Variants in RAB24 observed in about 807,000 individuals in gnomAD.
RAB24 encodes the protein ras-related protein Rab-24.
RAB24 carries 9 observed loss-of-function variants against 31.4 expected under a neutral mutation model. The observed-to-expected ratio is 0.29, with a 90% confidence interval of 0.17 to 0.50. RAB24 has a LOEUF of 0.50. Ranked by LOEUF, RAB24 falls within the 20% of genes least tolerant of loss-of-function variation. The pLI, the probability that RAB24 is intolerant of heterozygous loss-of-function variation, is 0.98. For missense variants in RAB24, 197 were observed against 265.2 expected, an observed-to-expected ratio of 0.74 and a Z score of 1.79; for synonymous variants, 106 against 94.1, an observed-to-expected ratio of 1.13 and a Z score of -0.73.
At position 177,301,918 on chromosome 5, in the gene RAB24, C is replaced by T; in HGVS notation, c.547+7G>A. 6.2e-7 allele frequency: 1 copy of T among 1,614,064 alleles called. No individual in the cohort carries two copies. Among genetic ancestry groups the T allele is most frequent in the Non-Finnish European group, 8.5e-7 (1 of 1,179,906 alleles). ...TAAGTCTCCATAAAGGCTGGGGAAG[C>T]ACACACCTGTCATCACCTGGAAGGC... is the stretch of plus-strand genomic sequence containing the variant. On this transcript the variant is annotated splice_region_variant and intron_variant, in intron 7 of 7. Coordinates refer to ENST00000303251, the MANE Select transcript of RAB24 (RefSeq NM_001031677.4).
chr5:177,301,730 G>C lies in RAB24; in HGVS notation c.*13C>G. On this transcript the variant is annotated 3_prime_UTR_variant, in exon 8 of 8. Transcript: ENST00000303251. ...GAATTCCTTTAATTCCCCCAGGCCA[G>C]GTGAGTGCTGACTCAGTGATGACAA... 6.2e-7 allele frequency: 1 copy of C among 1,614,006 alleles called. No homozygotes were observed. The highest frequency in any genetic ancestry group is 8.5e-7 in the Non-Finnish European group (1 of 1,179,830).
chr5:177,301,364 T>G lies in RAB24; in HGVS notation c.*379A>C. Reference sequence around the variant, plus strand: ...GGAAAATGAGAGTTGGGAGGAGCCTTAATATAAGCAGTGAGGCCAGCCGGG... The same window carrying G: ...GGAAAATGAGAGTTGGGAGGAGCCTGAATATAAGCAGTGAGGCCAGCCGGG... On this transcript the variant is annotated 3_prime_UTR_variant, in exon 8 of 8. Transcript: ENST00000303251. 1 of 232,566 alleles carries G rather than the reference T, an allele frequency of 4.3e-6. No individual in the cohort carries two copies. Among genetic ancestry groups the G allele is most frequent in the Non-Finnish European group, 8.6e-6 (1 of 116,028 alleles). The allele number at this position is 232,566 out of a possible 1,614,324, so 14.4% of individuals were successfully genotyped here. A position where few individuals can be genotyped will look rare whatever the true frequency, so the allele number is the denominator to read the frequency against.
Position 177,302,437 on chromosome 5 carries a change from ACG to A in RAB24, c.391_392del (p.Arg131SerfsTer21). ...GGACGTCGTGGAAGTCCACACGTCG[ACG>A]CCTCCGGTCTTCTTCCAGCAGGTCA... ...KSDLLEEDRR[R>X]RRVDFHDVQD... On this transcript the variant is annotated frameshift_variant, in exon 5 of 8. Transcript: ENST00000303251. LOFTEE classifies it high-confidence loss of function. 6.2e-7 allele frequency: 1 copy of A among 1,613,706 alleles called. No homozygotes were observed. Among genetic ancestry groups the A allele is most frequent in the Non-Finnish European group, 8.5e-7 (1 of 1,180,032 alleles).
In RAB24 at chr5:177,303,367, A is replaced by C; in HGVS notation, c.-79T>G. On this transcript the variant is annotated 5_prime_UTR_variant, in exon 1 of 8. Transcript: ENST00000303251. This position sits in a 1 kb window ranked among gnomAD's most constrained non-coding sequence, Gnocchi z 6.1. Reference sequence around the variant, plus strand: ...ACCCCGATCTCCGCTCGGCCCAGGCAGCGCCCAAGCCTCAGACCCCGACCC... The same window carrying C: ...ACCCCGATCTCCGCTCGGCCCAGGCCGCGCCCAAGCCTCAGACCCCGACCC... 2.1e-6 allele frequency: 3 copies of C among 1,434,116 alleles called. No individual in the cohort carries two copies. The South Asian group carries it at 3.5e-5, about 17-fold the overall frequency. The allele number at this position is 1,434,116 out of a possible 1,614,324, so 88.8% of individuals were successfully genotyped here.
intron 5 of RAB24, 39 bp from the exon 6 acceptor site, chr5:177,302,217 T>C (rs771316581): frequency 3.7e-6 from 6 of 1,608,790 alleles, no homozygotes; most frequent in East Asian, 4.5e-5. Flanking sequence ...ACCTGAGAAT[T>C]AGATAAACAG....
intron 2 of RAB24, 82 bp from the exon 3 acceptor site, chr5:177,302,912 G>C: frequency 6.3e-7 from 1 of 1,593,654 alleles, no homozygotes; most frequent in Non-Finnish European, 8.6e-7. Flanking sequence ...GGGTCTATGA[G>C]AAATGGGTCT....
chr5:177,303,582 G>A lies in RAB24; in HGVS notation c.-294C>T, dbSNP rs1581583820. On this transcript the variant is annotated 5_prime_UTR_variant, in exon 1 of 8. The change creates a new upstream start codon in the 5' untranslated region. Transcript: ENST00000303251. The surrounding 1 kb of genome is among the most constrained non-coding windows in gnomAD (Gnocchi z 6.1). Reference sequence around the variant, plus strand: ...GTCCTCAACAGCGCAGCACGCCGCCGTGCAGCTCGCTACTCCGTCATTCGC... The same window carrying A: ...GTCCTCAACAGCGCAGCACGCCGCCATGCAGCTCGCTACTCCGTCATTCGC... The A allele has an allele frequency of 1.9e-6, 1 of 514,198 alleles. No homozygotes were observed. The highest frequency in any genetic ancestry group is 3.3e-5 in the East Asian group (1 of 29,956). The allele number at this position is 514,198 out of a possible 1,614,324, so 31.9% of individuals were successfully genotyped here.
In RAB24 at chr5:177,301,451, T is replaced by G; in HGVS notation, c.*292A>C. ...CCACACAGCAGGGAAAGGGGCTGGG[T>G]GTGATGCACAGTGCACTGATTTTAT... On this transcript the variant is annotated 3_prime_UTR_variant, in exon 8 of 8. Transcript: ENST00000303251. 2.3e-6 allele frequency: 1 copy of G among 441,594 alleles called. No individual in the cohort carries two copies. The highest frequency in any genetic ancestry group is 4.1e-6 in the Non-Finnish European group (1 of 241,670). The allele number at this position is 441,594 out of a possible 1,614,324, so 27.4% of individuals were successfully genotyped here. A position where few individuals can be genotyped will look rare whatever the true frequency, so the allele number is the denominator to read the frequency against.
chr5:177,303,436 A>AGCC lies in RAB24; in HGVS notation c.-149_-148insGGC. On this transcript the variant is annotated 5_prime_UTR_variant, in exon 1 of 8. Coordinates refer to ENST00000303251, the MANE Select transcript of RAB24 (RefSeq NM_001031677.4). This position sits in a 1 kb window ranked among gnomAD's most constrained non-coding sequence, Gnocchi z 6.1. ...GACTCCAGACAGCGCGTCGGGCTCG[A>AGCC]GCTCTGGCCGTGGCCTTGCACTTCG... 1 of 710,714 alleles carries AGCC rather than the reference A, an allele frequency of 1.4e-6. No individual in the cohort carries two copies. Among genetic ancestry groups the AGCC allele is most frequent in the Non-Finnish European group, 2.4e-6 (1 of 424,578 alleles). The allele number at this position is 710,714 out of a possible 1,614,324, so 44.0% of individuals were successfully genotyped here.
In RAB24 at chr5:177,303,429, G is replaced by A; in HGVS notation, c.-141C>T. ...AACCTACGACTCCAGACAGCGCGTCGGGCTCGAGCTCTGGCCGTGGCCTTG... is the reference window on the plus strand; with the variant it reads ...AACCTACGACTCCAGACAGCGCGTCAGGCTCGAGCTCTGGCCGTGGCCTTG... On this transcript the variant is annotated 5_prime_UTR_variant, in exon 1 of 8. Transcript: ENST00000303251. This position sits in a 1 kb window ranked among gnomAD's most constrained non-coding sequence, Gnocchi z 6.1. 1 of 738,922 alleles carries A rather than the reference G, an allele frequency of 1.4e-6. No homozygotes were observed. 45.8% of individuals were successfully genotyped at this position (738,922 alleles called of 1,614,324 possible).
chr5:177,303,675 G>A lies in RAB24; in HGVS notation c.-387C>T, dbSNP rs1417694511. ...CCGAACCTGGGGTCTCCCGCAACCC[G>A]GCTCCTACCCGCAGCGCCGCGACTC... On this transcript the variant is annotated 5_prime_UTR_variant, in exon 1 of 8. Coordinates refer to ENST00000303251, the MANE Select transcript of RAB24 (RefSeq NM_001031677.4). This position sits in a 1 kb window ranked among gnomAD's most constrained non-coding sequence, Gnocchi z 6.1. 7 of 371,480 alleles carry A rather than the reference G, an allele frequency of 1.9e-5. No individual in the cohort carries two copies. Among genetic ancestry groups the A allele is most frequent in the Non-Finnish European group, 3.4e-5 (7 of 206,924 alleles). 23.0% of individuals were successfully genotyped at this position (371,480 alleles called of 1,614,324 possible).
At chr5:177,302,085 G>A (rs1561589222) in intron 6 of RAB24, 43 bp downstream of exon 6, 3 of 1,612,010 alleles carry the variant, frequency 1.9e-6, no homozygotes, top group Non-Finnish European at 2.5e-6. Context: ...TTCCTCTGGT[G>A]CCCCTGCATG....
At position 177,303,495 on chromosome 5, in the gene RAB24, G is replaced by A; in HGVS notation, c.-207C>T. ...CCGTGTGCCCCCGCTGTTCGGCCCC[G>A]GGCGCCGATTATCCTTCGAAGACCC... On this transcript the variant is annotated 5_prime_UTR_variant, in exon 1 of 8. Transcript: ENST00000303251. This position sits in a 1 kb window ranked among gnomAD's most constrained non-coding sequence, Gnocchi z 6.1. 1 of 605,834 alleles carries A rather than the reference G, an allele frequency of 1.7e-6. No individual in the cohort carries two copies. The highest frequency in any genetic ancestry group is 2.9e-6 in the Non-Finnish European group (1 of 342,394). 37.5% of individuals were successfully genotyped at this position (605,834 alleles called of 1,614,324 possible).
rs1760723848 is a variant in RAB24, at chr5:177,302,746, CCT to C, written c.265+4_265+5del. 2 of 1,558,662 alleles carry C rather than the reference CCT, an allele frequency of 1.3e-6. No homozygotes were observed. Among genetic ancestry groups the C allele is most frequent in the South Asian group, 1.1e-5 (1 of 89,876 alleles). On this transcript the variant is annotated splice_donor_5th_base_variant and intron_variant, in intron 3 of 7. Coordinates refer to ENST00000303251, the MANE Select transcript of RAB24 (RefSeq NM_001031677.4). Reference sequence around the variant, plus strand: ...GTGAGACAGCCCAAACCCCCCCCCCCCTTACCATAGCAGACGATGGCAGCCTT... The same window carrying C: ...GTGAGACAGCCCAAACCCCCCCCCCCTACCATAGCAGACGATGGCAGCCTT...
Position 177,302,446 on chromosome 5 carries a change from G to T in RAB24, c.384C>A (p.Asp128Glu), listed in dbSNP as rs751286718. The T allele has an allele frequency of 6.2e-7, 1 of 1,613,832 alleles. No individual in the cohort carries two copies. Among genetic ancestry groups the T allele is most frequent in the Admixed American group, 1.7e-5 (1 of 60,028 alleles). ...GGAAGTCCACACGTCGACGCCTCCG[G>T]TCTTCTTCCAGCAGGTCACTCTTGG... The part of the protein sequence containing the change: ...CGTKSDLLEE[D>E]RRRRRVDFHD... The change falls in exon 5 of 8, where the codon GAC becomes GAA. Residue 128 changes from aspartate (D) to glutamate (E), a missense_variant. By Grantham distance (45) the Asp-to-Glu change is conservative. Coordinates refer to ENST00000303251, the MANE Select transcript of RAB24 (RefSeq NM_001031677.4).
chr5:177,303,468 C>T lies in RAB24; in HGVS notation c.-180G>A. 1 of 617,194 alleles carries T rather than the reference C, an allele frequency of 1.6e-6. No homozygotes were observed. The highest frequency in any genetic ancestry group is 2.8e-6 in the Non-Finnish European group (1 of 351,128). The allele number at this position is 617,194 out of a possible 1,614,324, so 38.2% of individuals were successfully genotyped here. A position where few individuals can be genotyped will look rare whatever the true frequency, so the allele number is the denominator to read the frequency against. On this transcript the variant is annotated 5_prime_UTR_variant, in exon 1 of 8. Transcript: ENST00000303251. The surrounding 1 kb of genome is among the most constrained non-coding windows in gnomAD (Gnocchi z 6.1). Reference sequence around the variant, plus strand: ...GCCGTGGCCTTGCACTTCGGCAGCGCCCCGTGTGCCCCCGCTGTTCGGCCC... The same window carrying T: ...GCCGTGGCCTTGCACTTCGGCAGCGTCCCGTGTGCCCCCGCTGTTCGGCCC...
rs559198203 is a variant in RAB24 at position 177,301,387 on chromosome 5, G to A, written c.*356C>T. 5.1e-5 allele frequency: 14 copies of A among 272,482 alleles called. No individual in the cohort carries two copies. The highest frequency in any genetic ancestry group is 1.6e-4 in the East Asian group (2 of 12,144). 16.9% of individuals were successfully genotyped at this position (272,482 alleles called of 1,614,324 possible). ...CTTAATATAAGCAGTGAGGCCAGCC[G>A]GGTGGCCCCAGGAAGAACTAGGTGT... On this transcript the variant is annotated 3_prime_UTR_variant, in exon 8 of 8. Coordinates refer to ENST00000303251, the MANE Select transcript of RAB24 (RefSeq NM_001031677.4).
chr5:177,301,840 T>C, intron 7 of RAB24, 33 bp from the exon 8 acceptor site: 12 of 1,613,988 alleles, frequency 7.4e-6, no homozygotes, highest in Non-Finnish European at 1.0e-5. Context: ...CTCAGCACCA[T>C]TCTGTTGGGA....
chr5:177,302,623 A>G lies in RAB24; in HGVS notation c.287T>C (p.Phe96Ser). Residue 96 changes from phenylalanine (F) to serine (S), a missense_variant, in exon 4 of 8, where the codon TTT (phenylalanine) becomes TCT (serine). Coordinates refer to ENST00000303251, the MANE Select transcript of RAB24 (RefSeq NM_001031677.4). ...VCYDLTDSSSFERAKFWVKEL... is the reference protein window; with the variant it reads ...VCYDLTDSSSSERAKFWVKEL... ...CTTCACCCAGAACTTTGCTCGCTCAAAGCTGCTGCTGTCTGTGAGGTCTTG... is the reference window on the plus strand; with the variant it reads ...CTTCACCCAGAACTTTGCTCGCTCAGAGCTGCTGCTGTCTGTGAGGTCTTG... 1 of 1,614,000 alleles carries G rather than the reference A, an allele frequency of 6.2e-7. No individual in the cohort carries two copies. Among genetic ancestry groups the G allele is most frequent in the Non-Finnish European group, 8.5e-7 (1 of 1,179,976 alleles).
Sources: gnomAD v4.1 joint callset for allele counts on GRCh38, gnomAD v4.1.1 for gene constraint, Gnocchi (gnomAD v3.1) non-coding constraint, MANE v1.5 for transcripts, NCBI Gene and HGNC (gene_info 2026-07-23, HGNC 2026-07-21) for gene names.